The following TPH2 variants were observed in gnomAD, a reference collection of about 807,000 sequenced individuals.
The protein encoded by TPH2 is tryptophan hydroxylase 2, also known as tryptophan 5-hydroxylase 2.
TPH2 carries 27 observed loss-of-function variants against 59.1 expected under a neutral mutation model. The ratio of observed to expected loss-of-function variants is 0.46; its 90% confidence interval spans 0.34 to 0.63. The LOEUF (loss-of-function observed/expected upper bound fraction) is 0.63, where lower values mean the gene tolerates loss of function less well. Ranked by LOEUF, TPH2 falls within the 30% of genes least tolerant of loss-of-function variation. TPH2 has a pLI of 0.01. For missense variants in TPH2, 523 were observed against 588.3 expected (o/e 0.89, Z 1.15); for synonymous variants, 220 against 210.5 (o/e 1.05, Z -0.39).
At chr12:72,013,866 C>A (rs889873396) in intron 8 of TPH2, among the ~76,000 whole-genome samples, 7 of 152,076 alleles carry the variant, frequency 4.6e-5, no homozygotes, top group African/African-American at 1.7e-4. Context: ...AAGTTTCTAG[C>A]ATTTTTTACA....
chr12:72,022,359 C>A (rs868140872), intron 8 of TPH2, 40 bp from the exon 9 acceptor site: 2 of 1,451,966 alleles, frequency 1.4e-6, no homozygotes, highest in Non-Finnish European at 1.9e-6. Flanking sequence ...TCAAATAACT[C>A]ATTGACCAGT....
intron 8 of TPH2, among the ~76,000 whole-genome samples, chr12:72,001,286 G>T (rs552627826): frequency 2.0e-5 from 3 of 152,274 alleles, no homozygotes; most frequent in African/African-American, 7.2e-5. Context: ...TTGGCTAAGG[G>T]TAATGAGGGA....
At chr12:72,000,246 G>T (rs1872788890) in intron 8 of TPH2, among the ~76,000 whole-genome samples, 1 of 152,162 alleles carries the variant, frequency 6.6e-6, no homozygotes, top group Non-Finnish European at 1.5e-5. Context: ...TAACCTTGAG[G>T]TTATCTTTTC....
Position 71,997,538 on chromosome 12 carries a change from C to T in TPH2, c.1068+2973C>T, listed in dbSNP as rs116244076. Among the ~76,000 whole-genome samples, 1,208 of 152,234 alleles carry T rather than the reference C, an allele frequency of 7.9e-3. 18 individuals are homozygous for T. The highest frequency in any genetic ancestry group is 0.028 in the African/African-American group (1,146 of 41,528). ...GGAGCTTGCATTCCTTAGGATAATT[C>T]CAATACTCTTGGCCTTGGGTTGCTT... On this transcript the variant is annotated intron_variant, in intron 8 of 10. Coordinates refer to ENST00000333850, the MANE Select transcript of TPH2 (RefSeq NM_173353.4).
intron 5 of TPH2, among the ~76,000 whole-genome samples, chr12:71,955,400 A>G (rs1159318867): frequency 1.3e-5 from 2 of 152,188 alleles, no homozygotes; most frequent in Non-Finnish European, 2.9e-5. Context: ...AATCTAGACC[A>G]AAGGCATGGG....
At chr12:71,957,302 T>C (rs897661335) in intron 5 of TPH2, among the ~76,000 whole-genome samples, 2 of 151,876 alleles carry the variant, frequency 1.3e-5, no homozygotes, top group Non-Finnish European at 2.9e-5. Context: ...AATCAATTGT[T>C]AGGCTCATTT....
At chr12:71,996,980 AT>A (rs5799058) in intron 8 of TPH2, among the ~76,000 whole-genome samples, 31,366 of 152,148 alleles carry the variant, frequency 0.21, 3,589 homozygotes, top group East Asian at 0.36. Flanking sequence ...ATCTTTAAAG[AT>A]GAGAAAAGAT....
chr12:71,989,252 G>T (rs1235049942), intron 7 of TPH2, among the ~76,000 whole-genome samples: 1 of 152,088 alleles, frequency 6.6e-6, no homozygotes, highest in East Asian at 1.9e-4. Flanking sequence ...TCTGTATATG[G>T]CTCCAAAACA....
chr12:72,025,590 A>T (rs1873546467), intron 9 of TPH2, among the ~76,000 whole-genome samples: 2 of 152,220 alleles, frequency 1.3e-5, no homozygotes, highest in Admixed American at 1.3e-4. Context: ...CATAAATCTT[A>T]CAACCATAAA....
intron 7 of TPH2, among the ~76,000 whole-genome samples, chr12:71,985,083 G>A (rs911177593): frequency 3.9e-5 from 6 of 152,324 alleles, no homozygotes; most frequent in Admixed American, 6.5e-5. Flanking sequence ...TAAGTGTAAT[G>A]TATGGATGGA....
chr12:71,975,751 T>C (rs1177555284), intron 6 of TPH2, among the ~76,000 whole-genome samples: 3 of 152,222 alleles, frequency 2.0e-5, no homozygotes, highest in African/African-American at 4.8e-5. Context: ...CATCATCTAC[T>C]ATATTTGTTA....
intron 5 of TPH2, among the ~76,000 whole-genome samples, chr12:71,963,991 G>A (rs1871749444): frequency 2.0e-5 from 1 of 50,194 alleles, no homozygotes; most frequent in Admixed American, 2.1e-4. Context: ...CAGCAAGCCT[G>A]AAAAGCAAAA....
At chr12:71,941,530 G>C in intron 1 of TPH2, 54 bp from the exon 2 acceptor site, 1 of 1,580,612 alleles carries the variant, frequency 6.3e-7, no homozygotes, top group South Asian at 1.1e-5. Context: ...AATTACGGAG[G>C]ATTCTGGAAC....
chr12:71,940,418 GA>G (rs1871024739), intron 1 of TPH2, among the ~76,000 whole-genome samples: 1 of 152,148 alleles, frequency 6.6e-6, no homozygotes, highest in Non-Finnish European at 1.5e-5. Context: ...ACTGATGTGT[GA>G]AAATAAAGCC....
chr12:72,018,522 T>A (rs1341838754), intron 8 of TPH2, among the ~76,000 whole-genome samples: 1 of 152,198 alleles, frequency 6.6e-6, no homozygotes, highest in Non-Finnish European at 1.5e-5. Context: ...AATGTGACCA[T>A]GAATTATGTA....
intron 5 of TPH2, among the ~76,000 whole-genome samples, chr12:71,968,077 T>A (rs553066004): frequency 6.6e-6 from 1 of 152,174 alleles, no homozygotes; most frequent in South Asian, 2.1e-4. Flanking sequence ...CCCTTTTACA[T>A]GCTTGCTGGA....
chr12:71,949,974 C>G (rs1004332227), intron 5 of TPH2, among the ~76,000 whole-genome samples: 3 of 152,032 alleles, frequency 2.0e-5, no homozygotes, highest in Non-Finnish European at 2.9e-5. Flanking sequence ...TTACTTTAGC[C>G]TTGACTTTTC....
intron 1 of TPH2, among the ~76,000 whole-genome samples, chr12:71,939,333 T>G (rs1425651975): frequency 6.8e-6 from 1 of 147,024 alleles, no homozygotes; most frequent in Non-Finnish European, 1.5e-5. Context: ...AAGTAGAGAG[T>G]TAAGAAGTTC....
intron 8 of TPH2, among the ~76,000 whole-genome samples, chr12:72,004,503 A>G (rs1033512657): frequency 2.2e-5 from 3 of 138,926 alleles, no homozygotes; most frequent in Non-Finnish European, 3.1e-5. Flanking sequence ...AGTTTTTCCC[A>G]TAATTCAAAA....
Sources: gnomAD v4.1 joint callset for allele counts (sites outside exome capture counted in the v4.1 genomes callset) on GRCh38, gnomAD v4.1.1 for gene constraint, MANE v1.5 for transcripts, NCBI Gene and HGNC (gene_info 2026-07-23, HGNC 2026-07-21) for gene names.